Variants in UTP20 observed in about 807,000 individuals in gnomAD.
The protein encoded by UTP20 is UTP20 small subunit processome component.
Under a neutral mutation model 329.5 loss-of-function variants are expected in UTP20, and 164 were observed. The ratio of observed to expected loss-of-function variants is 0.50; its 90% confidence interval spans 0.44 to 0.57. UTP20 has a LOEUF of 0.57. UTP20 is among the 20% of genes least tolerant of loss of function. The probability of loss-of-function intolerance (pLI) is 0.00; values close to 1 mark genes in which losing one functional copy is unlikely to be tolerated. For missense variants in UTP20, 3,055 were observed against 3,284.2 expected (o/e 0.93, Z 1.71); for synonymous variants, 1,151 against 1,159.3 (o/e 0.99, Z 0.14).
Position 101,362,002 on chromosome 12 carries a change from G to T in UTP20, c.5732G>T (p.Gly1911Val). The T allele has an allele frequency of 6.2e-7, 1 of 1,613,674 alleles. No homozygotes were observed. The highest frequency in any genetic ancestry group is 8.5e-7 in the Non-Finnish European group (1 of 1,179,756). Residue 1911 changes from glycine to valine, a missense_variant, in exon 44 of 62, where the codon GGC (glycine) becomes GTC (valine). Gly to Val is a moderately radical substitution (Grantham distance 109, BLOSUM62 -3). Around this residue, in one of 3 missense-constraint regions of UTP20, gnomAD observed 2,445 missense variants for 2,575.5 expected, o/e 0.95. Transcript: ENST00000261637. ...TTCACCGTTCACATGCTGCTGCAAG[G>T]CCTCACCAATAAGCTGCAGGTCGGA... ...LTFTVHMLLQGLTNKLQVGDL... is the reference protein window; with the variant it reads ...LTFTVHMLLQVLTNKLQVGDL...
chr12:101,364,411 G>A (rs916683597), intron 45 of UTP20, among the ~76,000 whole-genome samples: 1 of 152,134 alleles, frequency 6.6e-6, no homozygotes, highest in Non-Finnish European at 1.5e-5. Flanking sequence ...CTCCTAATCT[G>A]CACACCCTGT....
chr12:101,375,866 GA>G, intron 56 of UTP20, 110 bp downstream of exon 56: 1 of 667,958 alleles, frequency 1.5e-6, no homozygotes, highest in Non-Finnish European at 2.4e-6. Flanking sequence ...ACAATGTCAG[GA>G]AAAGAGTCCA....
intron 19 of UTP20, 37 bp downstream of exon 19, chr12:101,309,876 TTAAC>T (rs750463626): frequency 1.7e-5 from 27 of 1,571,026 alleles, no homozygotes; most frequent in African/African-American, 1.1e-4. Flanking sequence ...CTATTATACT[TTAAC>T]TACTGCAGAA....
At position 101,327,094 on chromosome 12, in the gene UTP20, C is replaced by A; in HGVS notation, c.3055C>A (p.Arg1019=). 2 of 1,601,996 alleles carry A rather than the reference C, an allele frequency of 1.2e-6. No homozygotes were observed. Among genetic ancestry groups the A allele is most frequent in the Non-Finnish European group, 1.7e-6 (2 of 1,170,544 alleles). ...FPILMRILYG[R]MKNKTGSKTQ... ...TTGCCTTTTCAGAATTTTGTATGGG[C>A]GAATGAAGAATAAGACTGGGAGTAA... The change falls in exon 26 of 62, where the codon CGA becomes AGA. Residue 1019 remains arginine (R), a synonymous_variant. Coordinates refer to ENST00000261637, the MANE Select transcript of UTP20 (RefSeq NM_014503.3).
chr12:101,331,204 T>C (rs1011989784), intron 27 of UTP20, among the ~76,000 whole-genome samples: 1 of 152,138 alleles, frequency 6.6e-6, no homozygotes, highest in African/African-American at 2.4e-5. Flanking sequence ...ATTGAGTAAA[T>C]TGGGCAGCTG....
At chr12:101,308,814 G>GC (rs1459314166) in intron 18 of UTP20, among the ~76,000 whole-genome samples, 1 of 150,988 alleles carries the variant, frequency 6.6e-6, no homozygotes, top group Non-Finnish European at 1.5e-5. Context: ...CTCACTGCAA[G>GC]CTCAGCCTCC....
chr12:101,343,232 A>T, intron 35 of UTP20, 139 bp downstream of exon 35: 1 of 560,376 alleles, frequency 1.8e-6, no homozygotes, highest in Non-Finnish European at 3.0e-6. Flanking sequence ...TTAGATGAAG[A>T]ATCTTATGTC....
rs1872692637 is a variant in UTP20, at chr12:101,308,346, A to G, written c.2154+3A>G. The G allele has an allele frequency of 1.4e-6, 2 of 1,470,332 alleles. No homozygotes were observed. Among genetic ancestry groups the G allele is most frequent in the Admixed American group, 2.2e-5 (1 of 46,138 alleles). The allele number at this position is 1,470,332 out of a possible 1,614,324, so 91.1% of individuals were successfully genotyped here. On this transcript the variant is annotated splice_donor_region_variant and intron_variant, in intron 18 of 61. Coordinates refer to ENST00000261637, the MANE Select transcript of UTP20 (RefSeq NM_014503.3). ...TCCCTGATGGGCCGTTACAGGAGGT[A>G]AAAATAGTGTTCTTTTATTTTTCCT...
rs1390371648 is a variant in UTP20, at chr12:101,353,075, C to T, written c.5053C>T (p.His1685Tyr). ...GCTAGTAATAGTGTTAGAAGCATTC[C>T]ACTTTGACCACAAAACTCTTGAAGA... ...SLLVIVLEAF[H>Y]FDHKTLEEQM... is the part of the protein sequence containing the mutation. The change falls in exon 40 of 62, where the codon CAC becomes TAC. Residue 1685 changes from histidine to tyrosine, a missense_variant. By Grantham distance (83) the His-to-Tyr change is moderately conservative. This residue lies in a region of UTP20 where 2,445 missense variants were observed against 2,575.5 expected (regional missense o/e 0.95). Transcript: ENST00000261637. 1.3e-6 allele frequency: 2 copies of T among 1,590,940 alleles called. No individual in the cohort carries two copies. Among genetic ancestry groups the T allele is most frequent in the South Asian group, 2.3e-5 (2 of 87,198 alleles).
chr12:101,358,337 A>G (rs1440097262), intron 43 of UTP20, among the ~76,000 whole-genome samples: 1 of 152,228 alleles, frequency 6.6e-6, no homozygotes, highest in African/African-American at 2.4e-5. Context: ...CTCTTTATGT[A>G]TTAACGTCTC....
intron 57 of UTP20, among the ~76,000 whole-genome samples, chr12:101,380,785 C>T (rs1420243612): frequency 6.6e-6 from 1 of 150,464 alleles, no homozygotes; most frequent in African/African-American, 2.4e-5. Flanking sequence ...AATTGCTTGA[C>T]CCCAGGAAGC....
intron 25 of UTP20, 71 bp downstream of exon 25, chr12:101,321,700 GTT>G: frequency 1.3e-6 from 2 of 1,525,426 alleles, no homozygotes; most frequent in South Asian, 1.2e-5. Flanking sequence ...CAGTATTATG[GTT>G]CTTTCAACAA....
chr12:101,353,223 C>T (rs1593445192), intron 40 of UTP20, 94 bp downstream of exon 40: 2 of 766,898 alleles, frequency 2.6e-6, no homozygotes, highest in Admixed American at 2.4e-5. Flanking sequence ...AACTTATTCC[C>T]TTTGTCTGCT....
intron 25 of UTP20, among the ~76,000 whole-genome samples, chr12:101,322,639 A>G (rs1047905652): frequency 7.2e-5 from 11 of 152,182 alleles, no homozygotes; most frequent in African/African-American, 2.7e-4. Flanking sequence ...AGATAGAGAA[A>G]GTCTTTTAGA....
intron 18 of UTP20, 29 bp from the exon 19 acceptor site, chr12:101,309,734 A>G: frequency 6.2e-7 from 1 of 1,604,896 alleles, no homozygotes; most frequent in South Asian, 1.1e-5. Context: ...TTCATTACCC[A>G]ATACTAAACT....
chr12:101,365,389 A>G (rs1870062145), intron 45 of UTP20, 70 bp from the exon 46 acceptor site: 5 of 1,171,976 alleles, frequency 4.3e-6, no homozygotes, highest in Non-Finnish European at 5.9e-6. Flanking sequence ...TATAAAAGAA[A>G]ACTGCCATTA....
chr12:101,324,478 C>T (rs1015005478), intron 25 of UTP20, among the ~76,000 whole-genome samples: 9 of 152,002 alleles, frequency 5.9e-5, no homozygotes, highest in South Asian at 2.1e-4. Context: ...GATGTTGTCC[C>T]GGCTGGTCTC....
rs1263984046 is a variant in UTP20, at chr12:101,292,030, G to A, written c.1099G>A (p.Asp367Asn). ...CACATCTTGCTGGGAGACCCTCTTG[G>A]ATGTAATTTCTGCTTTGATCCTGGG... ...LSTSCWETLL[D>N]VISALILGEN... Residue 367 changes from aspartate to asparagine, a missense_variant, in exon 10 of 62, where the codon GAT (aspartate) becomes AAT (asparagine). Around this residue, in one of 3 missense-constraint regions of UTP20, gnomAD observed 2,445 missense variants for 2,575.5 expected, o/e 0.95. Coordinates refer to ENST00000261637, the MANE Select transcript of UTP20 (RefSeq NM_014503.3). 2 of 1,614,122 alleles carry A rather than the reference G, an allele frequency of 1.2e-6. No homozygotes were observed. The highest frequency in any genetic ancestry group is 4.5e-5 in the East Asian group (2 of 44,878).
intron 41 of UTP20, 49 bp downstream of exon 41, chr12:101,355,167 G>A (rs1869679412): frequency 6.4e-7 from 1 of 1,571,436 alleles, no homozygotes; most frequent in Non-Finnish European, 8.6e-7. Context: ...TTCTGGTGTT[G>A]GTGGAGCCCT....
Sources: gnomAD v4.1 joint callset for allele counts (sites outside exome capture counted in the v4.1 genomes callset) on GRCh38, gnomAD v4.1.1 for gene constraint, gnomAD v4.1.1 regional missense constraint, MANE v1.5 for transcripts, NCBI Gene and HGNC (gene_info 2026-07-23, HGNC 2026-07-21) for gene names.